TTC38: variants seen among roughly 807,000 people sequenced by gnomAD.
TTC38 encodes tetratricopeptide repeat protein 38.
A neutral mutation model predicts 64.2 loss-of-function variants in TTC38; 64 were observed. The observed-to-expected ratio is 1.00, with a 90% CI of 0.81 to 1.23. TTC38 has a LOEUF of 1.23. TTC38 is among the 50% of genes most tolerant of loss of function. The pLI is 0.00. For missense variants in TTC38, 573 were observed against 615.5 expected, an observed-to-expected ratio of 0.93 and a Z score of 0.73; for synonymous variants, 254 against 249.3, an observed-to-expected ratio of 1.02 and a Z score of -0.18.
chr22:46,281,511 T>G lies in TTC38; in HGVS notation c.616-88T>G. On this transcript the variant is annotated intron_variant, in intron 6 of 13. Coordinates refer to ENST00000381031, the MANE Select transcript of TTC38 (RefSeq NM_017931.4). This position sits in a 1 kb window ranked among gnomAD's most constrained non-coding sequence, Gnocchi z 5.2. ...CTCCACCCCGTTCAGCCCAGGCCCC[T>G]CTTGCCCCTTAGAGACCTGCCGTCG... 3.3e-6 allele frequency: 3 copies of G among 912,628 alleles called. No homozygotes were observed. The highest frequency in any genetic ancestry group is 1.5e-6 in the Non-Finnish European group (1 of 651,146). 56.5% of individuals were successfully genotyped at this position (912,628 alleles called of 1,614,324 possible). A position where few individuals can be genotyped will look rare whatever the true frequency, so the allele number is the denominator to read the frequency against.
intron 5 of TTC38, among the ~76,000 whole-genome samples, chr22:46,278,382 A>G (rs971915280): frequency 6.6e-6 from 1 of 152,086 alleles, no homozygotes; most frequent in African/African-American, 2.4e-5. Context: ...GCCCTCTTGT[A>G]AGGACACCAG....
rs1936921963 is a variant in TTC38 at position 46,272,714 on chromosome 22, A to T, written c.193+298A>T. Among the ~76,000 whole-genome samples, 1 of 152,224 alleles carries T rather than the reference A, an allele frequency of 6.6e-6. No individual in the cohort carries two copies. Among genetic ancestry groups the T allele is most frequent in the Non-Finnish European group, 1.5e-5 (1 of 68,038 alleles). On this transcript the variant is annotated intron_variant, in intron 3 of 13. Transcript: ENST00000381031. This position sits in a 1 kb window ranked among gnomAD's most constrained non-coding sequence, Gnocchi z 6.4. Reference sequence around the variant, plus strand: ...CAGATGAGGAAACTGAGGGTTGGCAAGAGTAAGACTGTACTTAAAGCCACC... The same window carrying T: ...CAGATGAGGAAACTGAGGGTTGGCATGAGTAAGACTGTACTTAAAGCCACC...
rs543828626 is a variant in TTC38, at chr22:46,270,552, G to T, written c.112-1783G>T. Among the ~76,000 whole-genome samples, 44 of 152,234 alleles carry T rather than the reference G, an allele frequency of 2.9e-4. No individual in the cohort carries two copies. The highest frequency in any genetic ancestry group is 1.0e-3 in the African/African-American group (42 of 41,526). On this transcript the variant is annotated intron_variant, in intron 2 of 13. Transcript: ENST00000381031. The surrounding 1 kb of genome is among the most constrained non-coding windows in gnomAD (Gnocchi z 4.7). ...AGCAAATTGTTAAAAATGATGATGCGCTGGGCGCGGTGACTCACGCCTGTA... is the reference window on the plus strand; with the variant it reads ...AGCAAATTGTTAAAAATGATGATGCTCTGGGCGCGGTGACTCACGCCTGTA...
Position 46,281,627 on chromosome 22 carries a change from G to T in TTC38, c.644G>T (p.Trp215Leu). Reference protein sequence around the residue: ...EALSINPTDAWSVHTVAHIHE... With the variant: ...EALSINPTDALSVHTVAHIHE... ...TTATCTATTAACCCGACAGACGCATGGTCGGTGCACACCGTCGCTCACATC... is the reference window on the plus strand; with the variant it reads ...TTATCTATTAACCCGACAGACGCATTGTCGGTGCACACCGTCGCTCACATC... Residue 215 changes from tryptophan (W) to leucine (L), a missense_variant, in exon 7 of 14, where the codon TGG becomes TTG. Trp to Leu is a moderately conservative substitution (Grantham distance 61). This residue lies in a region of TTC38 where 371 missense variants were observed against 381.8 expected (regional missense o/e 0.97). Coordinates refer to ENST00000381031, the MANE Select transcript of TTC38 (RefSeq NM_017931.4). The surrounding 1 kb of genome is among the most constrained non-coding windows in gnomAD (Gnocchi z 5.2). 1 of 1,614,136 alleles carries T rather than the reference G, an allele frequency of 6.2e-7. No homozygotes were observed. The highest frequency in any genetic ancestry group is 8.5e-7 in the Non-Finnish European group (1 of 1,180,026).
At chr22:46,280,318 G>GCTCC in intron 6 of TTC38, 1 of 408,856 alleles carries the variant, frequency 2.4e-6, no homozygotes. Flanking sequence ...GCAAGCCAGG[G>GCTCC]CTCCAGGAGC....
At position 46,281,628 on chromosome 22, in the gene TTC38, G is replaced by A. The variant is rs2077535644; in HGVS notation, c.645G>A (p.Trp215Ter). 1 of 1,614,160 alleles carries A rather than the reference G, an allele frequency of 6.2e-7. No homozygotes were observed. Among genetic ancestry groups the A allele is most frequent in the East Asian group, 2.2e-5 (1 of 44,888 alleles). ...TATCTATTAACCCGACAGACGCATG[G>A]TCGGTGCACACCGTCGCTCACATCC... ...EALSINPTDAWSVHTVAHIHE... is the reference protein window; with the variant it reads ...EALSINPTDA The change falls in exon 7 of 14, where the codon TGG becomes TGA. Residue 215 changes from tryptophan to a stop codon, truncating the protein, a stop_gained. Transcript: ENST00000381031. LOFTEE classifies it high-confidence loss of function. This position sits in a 1 kb window ranked among gnomAD's most constrained non-coding sequence, Gnocchi z 5.2.
Position 46,289,426 on chromosome 22 carries a change from C to T in TTC38, c.1107C>T (p.His369=). ...GATCCCCAGGGGAGAACTGCCAGCA[C>T]CTCCTGGCCCGAGACGTGGGGCTGC... The part of the protein sequence containing the change: ...ASESPGENCQ[H]LLARDVGLPL... Residue 369 remains histidine (H), a synonymous_variant, in exon 12 of 14, where the codon CAC becomes CAT. Coordinates refer to ENST00000381031, the MANE Select transcript of TTC38 (RefSeq NM_017931.4). 1 of 1,609,520 alleles carries T rather than the reference C, an allele frequency of 6.2e-7. No homozygotes were observed. The highest frequency in any genetic ancestry group is 8.5e-7 in the Non-Finnish European group (1 of 1,179,748).
At position 46,271,275 on chromosome 22, in the gene TTC38, C is replaced by G. The variant is rs1936890416; in HGVS notation, c.112-1060C>G. ...TTCTTTTTTGAGACAGAGTCTCACTCTGTCGCCCAGGCTGGAGTGCAGTGG... is the reference window on the plus strand; with the variant it reads ...TTCTTTTTTGAGACAGAGTCTCACTGTGTCGCCCAGGCTGGAGTGCAGTGG... On this transcript the variant is annotated intron_variant, in intron 2 of 13. Transcript: ENST00000381031. The surrounding 1 kb of genome is among the most constrained non-coding windows in gnomAD (Gnocchi z 5.5). 6.6e-6 allele frequency among the ~76,000 whole-genome samples: 1 copy of G among 152,058 alleles called. No individual in the cohort carries two copies. The highest frequency in any genetic ancestry group is 2.4e-5 in the African/African-American group (1 of 41,386).
At chr22:46,285,546 CT>C (rs2077565548) in intron 9 of TTC38, among the ~76,000 whole-genome samples, 1 of 152,088 alleles carries the variant, frequency 6.6e-6, no homozygotes, top group East Asian at 1.9e-4. Flanking sequence ...CAATTGTGGA[CT>C]CTCCTCCAGC....
intron 6 of TTC38, among the ~76,000 whole-genome samples, chr22:46,279,581 C>T (rs962356765): frequency 6.6e-6 from 1 of 152,240 alleles, no homozygotes; most frequent in Non-Finnish European, 1.5e-5. Flanking sequence ...GTTCTTCCCC[C>T]AGTAGTTGCC....
intron 8 of TTC38, among the ~76,000 whole-genome samples, chr22:46,284,768 C>T (rs935961131): frequency 4.6e-5 from 7 of 150,576 alleles, no homozygotes; most frequent in African/African-American, 1.7e-4. Flanking sequence ...AGTCCTGAGC[C>T]TGAGGCATGA....
rs1267952371 is a variant in TTC38 at position 46,289,489 on chromosome 22, C to T, written c.1170C>T (p.Asn390=). ...CQALVEAEDG[N]PDRVLELLLP... ...CCCTGGTGGAGGCTGAGGACGGGAA[C>T]CCTGACCGCGTCCTGGAGCTGCTCC... The change falls in exon 12 of 14, where the codon AAC becomes AAT. Residue 390 remains asparagine (N), a synonymous_variant. Transcript: ENST00000381031. 1 of 1,608,882 alleles carries T rather than the reference C, an allele frequency of 6.2e-7. No individual in the cohort carries two copies. Among genetic ancestry groups the T allele is most frequent in the Non-Finnish European group, 8.5e-7 (1 of 1,179,634 alleles).
chr22:46,269,475 C>T (rs1213031531), intron 2 of TTC38, among the ~76,000 whole-genome samples: 1 of 152,202 alleles, frequency 6.6e-6, no homozygotes, highest in Non-Finnish European at 1.5e-5. Flanking sequence ...TGAAGGTTGT[C>T]CATGAATTAC....
At chr22:46,289,144 T>G (rs559019248) in intron 11 of TTC38, among the ~76,000 whole-genome samples, 3 of 152,234 alleles carry the variant, frequency 2.0e-5, no homozygotes, top group Non-Finnish European at 4.4e-5. Flanking sequence ...GGCACTGTTA[T>G]GCCTGCTTAC....
chr22:46,286,472 C>T (rs1386159855), intron 9 of TTC38, among the ~76,000 whole-genome samples: 1 of 152,024 alleles, frequency 6.6e-6, no homozygotes, highest in African/African-American at 2.4e-5. Flanking sequence ...ACCAACCTGG[C>T]CAACGTGGTG....
Position 46,276,869 on chromosome 22 carries a change from C to G in TTC38, c.539+1448C>G, listed in dbSNP as rs1029380184. 4.2e-5 allele frequency among the ~76,000 whole-genome samples: 6 copies of G among 143,000 alleles called. No homozygotes were observed. Among genetic ancestry groups the G allele is most frequent in the Non-Finnish European group, 7.5e-5 (5 of 66,812 alleles). 93.8% of individuals were successfully genotyped at this position (143,000 alleles called of 152,430 possible). On this transcript the variant is annotated intron_variant, in intron 5 of 13. Transcript: ENST00000381031. The surrounding 1 kb of genome is among the most constrained non-coding windows in gnomAD (Gnocchi z 4.7). ...CATATATATATATAAAAAATACTTT[C>G]ACCGCAACACCTAGACTGGTGTTTC...
Position 46,275,239 on chromosome 22 carries a change from G to A in TTC38, c.366-9G>A, listed in dbSNP as rs202059927. The A allele has an allele frequency of 1.9e-4, 308 of 1,611,668 alleles. No homozygotes were observed. The African/African-American group carries it at 3.6e-3, about 19-fold the overall frequency. ...TCAGCGTTGGTGAGAAATCTTTCTC[G>A]GTTTCCAGGAACTTTCCGAAAGCCT... On this transcript the variant is annotated splice_polypyrimidine_tract_variant and intron_variant, in intron 4 of 13. Transcript: ENST00000381031. This position sits in a 1 kb window ranked among gnomAD's most constrained non-coding sequence, Gnocchi z 4.5.
chr22:46,272,022 C>T lies in TTC38; in HGVS notation c.112-313C>T, dbSNP rs2147785053. On this transcript the variant is annotated intron_variant, in intron 2 of 13. Coordinates refer to ENST00000381031, the MANE Select transcript of TTC38 (RefSeq NM_017931.4). The surrounding 1 kb of genome is among the most constrained non-coding windows in gnomAD (Gnocchi z 6.4). Reference sequence around the variant, plus strand: ...TATTTTTTGTTTTTTGAGACAGTCTCTCTCTGCCATCCAGGCTGGAGTGCA... The same window carrying T: ...TATTTTTTGTTTTTTGAGACAGTCTTTCTCTGCCATCCAGGCTGGAGTGCA... Among the ~76,000 whole-genome samples the T allele has an allele frequency of 2.0e-5, 3 of 152,004 alleles. No homozygotes were observed. Among genetic ancestry groups the T allele is most frequent in the Middle Eastern group, 6.9e-3 (2 of 290 alleles).
rs186971728 is a variant in TTC38, at chr22:46,271,142, C to T, written c.112-1193C>T. 9.1e-4 allele frequency among the ~76,000 whole-genome samples: 139 copies of T among 152,326 alleles called. No homozygotes were observed. Among genetic ancestry groups the T allele is most frequent in the Non-Finnish European group, 1.2e-3 (84 of 68,024 alleles). On this transcript the variant is annotated intron_variant, in intron 2 of 13. Coordinates refer to ENST00000381031, the MANE Select transcript of TTC38 (RefSeq NM_017931.4). This position sits in a 1 kb window ranked among gnomAD's most constrained non-coding sequence, Gnocchi z 5.5. ...CGAATGAATAAGAAGCAGGAATATT[C>T]CTATCGTGACCAACTTCAGGGCTCC...
Sources: allele counts gnomAD v4.1 joint callset (sites outside exome capture counted in the v4.1 genomes callset), GRCh38; gene constraint gnomAD v4.1.1; regional missense constraint gnomAD v4.1.1; non-coding constraint Gnocchi (gnomAD v3.1); transcripts MANE v1.5; gene names NCBI Gene and HGNC (gene_info 2026-07-23, HGNC 2026-07-21).